AMZ1: variants seen among roughly 807,000 people sequenced by gnomAD.
The protein encoded by AMZ1 is archaemetzincin-1.
In AMZ1, 39 loss-of-function variants were observed where a neutral mutation model predicts 29.9. The observed-to-expected ratio is 1.30, with a 90% CI of 1.01 to 1.70. The LOEUF is 1.70. AMZ1 is among the 40% of genes most tolerant of loss of function. AMZ1 has a pLI of 0.00. For missense variants in AMZ1, 1,041 were observed against 680.6 expected, an observed-to-expected ratio of 1.53 and a Z score of -5.89; for synonymous variants, 458 against 304.0, an observed-to-expected ratio of 1.51 and a Z score of -5.27.
At chr7:2,698,683 C>T (rs543181581) in intron 1 of AMZ1, among the ~76,000 whole-genome samples, 3 of 151,952 alleles carry the variant, frequency 2.0e-5, no homozygotes, top group African/African-American at 4.8e-5. Flanking sequence ...ACAAAAAATA[C>T]AAAAATTAGC....
chr7:2,710,968 G>A (rs981290268), intron 6 of AMZ1, among the ~76,000 whole-genome samples: 1 of 152,244 alleles, frequency 6.6e-6, no homozygotes, highest in Non-Finnish European at 1.5e-5. Flanking sequence ...AAAGGGTTGA[G>A]AGCTCTCATT....
downstream of AMZ1, among the ~76,000 whole-genome samples, chr7:2,724,191 T>C (rs1313774991): frequency 1.3e-5 from 2 of 152,288 alleles, no homozygotes; most frequent in East Asian, 3.9e-4. Context: ...GGTGCTGGGA[T>C]TACGGGCATG....
At position 2,712,680 on chromosome 7, in the gene AMZ1, C is replaced by A. The variant is rs142567005; in HGVS notation, c.1299C>A (p.Ala433=). Residue 433 remains alanine (A), a synonymous_variant, in exon 7 of 7, where the codon GCC becomes GCA. Transcript: ENST00000683327. ...AGGACCTGGTGCAGGTGGACAGAGCCGTGGACGCCCTCGACCGCTGGGAGA... is the reference window on the plus strand; with the variant it reads ...AGGACCTGGTGCAGGTGGACAGAGCAGTGGACGCCCTCGACCGCTGGGAGA... ...AEEDLVQVDR[A]VDALDRWEMF... The A allele has an allele frequency of 1.2e-6, 2 of 1,612,806 alleles. No individual in the cohort carries two copies.
chr7:2,758,718 G>A (rs1344171796), intron 4 of AMZ1, among the ~76,000 whole-genome samples: 1 of 152,222 alleles, frequency 6.6e-6, no homozygotes, highest in African/African-American at 2.4e-5. Flanking sequence ...GCCCCTAACA[G>A]CAGAGTCACA....
At chr7:2,702,357 C>A (rs113503433) in intron 2 of AMZ1, 5,071 of 229,356 alleles carry the variant, frequency 0.022, 275 homozygotes, top group African/African-American at 0.11. Flanking sequence ...CCCAGTCAGG[C>A]TGGCATTTTG....
At chr7:2,692,223 G>A (rs889992046) in intron 1 of AMZ1, among the ~76,000 whole-genome samples, 1 of 152,184 alleles carries the variant, frequency 6.6e-6, no homozygotes, top group African/African-American at 2.4e-5. Flanking sequence ...CCATCTCACA[G>A]GGAGGACACA....
intron 4 of AMZ1, among the ~76,000 whole-genome samples, chr7:2,725,087 C>A (rs2115254881): frequency 6.6e-6 from 1 of 152,356 alleles, no homozygotes; most frequent in African/African-American, 2.4e-5. Flanking sequence ...CTTCTAGGGA[C>A]CTCCTGTTCC....
chr7:2,709,507 A>T, intron 5 of AMZ1, 133 bp from the exon 6 acceptor site: 2 of 1,337,884 alleles, frequency 1.5e-6, no homozygotes, highest in Non-Finnish European at 1.0e-6. Flanking sequence ...GGGCAGGGGG[A>T]GGGCGCCTGG....
At chr7:2,761,739 G>C (rs577959935), upstream of AMZ1, among the ~76,000 whole-genome samples, 3 of 152,322 alleles carry the variant, frequency 2.0e-5, no homozygotes, top group Admixed American at 1.3e-4. Flanking sequence ...GAGTTGACAA[G>C]ATGGGCCACT....
Position 2,717,979 on chromosome 7 carries a change from C to T in AMZ1, c.*5101C>T, listed in dbSNP as rs1208036747. The stretch of plus-strand genomic sequence containing the variant: ...AATAGTCACCGGAGTCGAGCAAACA[C>T]GGCGGCCCCTGCCTCCCCCGGCGGC... On this transcript the variant is annotated 3_prime_UTR_variant, in exon 7 of 7. Transcript: ENST00000683327. Among the ~76,000 whole-genome samples the T allele has an allele frequency of 1.3e-5, 2 of 152,208 alleles. No homozygotes were observed. The highest frequency in any genetic ancestry group is 2.1e-4 in the South Asian group (1 of 4,834).
At chr7:2,700,793 G>A (rs752419606) in intron 2 of AMZ1, 38 bp downstream of exon 2, 5 of 1,599,072 alleles carry the variant, frequency 3.1e-6, no homozygotes, top group Non-Finnish European at 4.3e-6. Flanking sequence ...GCTCCTGGGG[G>A]ACCAGCTTAT....
intron 1 of AMZ1, 31 bp from the exon 2 acceptor site, chr7:2,700,203 G>C: frequency 1.8e-6 from 1 of 556,120 alleles, no homozygotes. Flanking sequence ...GTGCTCGGCA[G>C]TGAGGGGACC....
At chr7:2,762,257 A>G, upstream of AMZ1, 1 of 213,216 alleles carries the variant, frequency 4.7e-6, no homozygotes, top group African/African-American at 2.3e-5. Flanking sequence ...CACCACCCTG[A>G]CTTAGGGTCG....
upstream of AMZ1, among the ~76,000 whole-genome samples, chr7:2,687,743 G>C (rs1787139013): frequency 6.6e-6 from 1 of 151,888 alleles, no homozygotes; most frequent in South Asian, 2.1e-4. Context: ...TCCTCACCTG[G>C]TGGCCTCGTT....
At chr7:2,708,535 G>A in intron 3 of AMZ1, 53 bp from the exon 4 acceptor site, 1 of 1,604,914 alleles carries the variant, frequency 6.2e-7, no homozygotes, top group Non-Finnish European at 8.5e-7. Context: ...GAGCCTGGAA[G>A]ATGGGGGTCC....
intron 4 of AMZ1, among the ~76,000 whole-genome samples, chr7:2,737,257 T>C (rs535799149): frequency 1.4e-3 from 208 of 144,930 alleles, no homozygotes; most frequent in African/African-American, 5.1e-3. Context: ...TCAGGAGCTA[T>C]CTCACAGTTT....
intron 4 of AMZ1, among the ~76,000 whole-genome samples, chr7:2,736,509 C>G (rs1265602351): frequency 6.6e-6 from 1 of 152,198 alleles, no homozygotes; most frequent in Non-Finnish European, 1.5e-5. Context: ...TGAACCTGAG[C>G]AGGGGCTGGT....
upstream of AMZ1, among the ~76,000 whole-genome samples, chr7:2,764,244 C>CTTT (rs35992308): frequency 5.0e-5 from 7 of 139,342 alleles, no homozygotes; most frequent in African/African-American, 1.1e-4. Flanking sequence ...CAGCTAATTT[C>CTTT]TTTTTTTTTT....
intron 1 of AMZ1, among the ~76,000 whole-genome samples, chr7:2,693,630 A>G (rs922088315): frequency 1.3e-5 from 2 of 152,126 alleles, no homozygotes; most frequent in African/African-American, 4.8e-5. Flanking sequence ...ATCTCCGCTC[A>G]CTGCAAGCTC....
Sources: gnomAD v4.1 joint callset for allele counts (sites outside exome capture counted in the v4.1 genomes callset) on GRCh38, gnomAD v4.1.1 for gene constraint, MANE v1.5 for transcripts, NCBI Gene and HGNC (gene_info 2026-07-23, HGNC 2026-07-21) for gene names.